QTRT2: variants seen among roughly 807,000 people sequenced by gnomAD.
The protein encoded by QTRT2 is queuine tRNA-ribosyltransferase domain containing 1.
In QTRT2, 32 loss-of-function variants were observed where a neutral mutation model predicts 44.8. The ratio of observed to expected loss-of-function variants is 0.71; its 90% confidence interval spans 0.54 to 0.96. The LOEUF is 0.96. QTRT2 is among the 40% of genes least tolerant of loss of function. QTRT2 has a pLI of 0.00. For missense variants in QTRT2, 461 were observed against 503.1 expected (o/e 0.92, Z 0.80); for synonymous variants, 182 against 187.4 (o/e 0.97, Z 0.24).
Position 114,061,919 on chromosome 3 carries a change from G to C in QTRT2, c.-21-3318G>C, listed in dbSNP as rs994650023. Among the ~76,000 whole-genome samples the C allele has an allele frequency of 1.2e-4, 18 of 151,396 alleles. 1 individual carries two copies. The East Asian group carries it at 3.3e-3, about 28-fold the overall frequency. ...TATGACTTTCCACAGTGTGTTCTAG[G>C]GGAAAAAAACAAAAAGATGTTTCAT... On this transcript the variant is annotated intron_variant, in intron 2 of 9. Transcript: ENST00000281273.
intron 6 of QTRT2, 43 bp from the exon 7 acceptor site, chr3:114,076,700 C>T (rs750461860): frequency 3.2e-6 from 5 of 1,580,570 alleles, no homozygotes; most frequent in South Asian, 1.1e-5. Context: ...ACAAAGGTCT[C>T]ATACTGAAAA....
chr3:114,058,766 G>C (rs1346207452), intron 2 of QTRT2, among the ~76,000 whole-genome samples: 2 of 152,248 alleles, frequency 1.3e-5, no homozygotes, highest in African/African-American at 2.4e-5. Context: ...CCTGACCTTA[G>C]GTGTTCCTCC....
chr3:114,062,265 AG>A (rs2076897380), intron 2 of QTRT2, among the ~76,000 whole-genome samples: 1 of 146,608 alleles, frequency 6.8e-6, no homozygotes, highest in Admixed American at 6.9e-5. Context: ...GCTACTTAGG[AG>A]GCTGAGGTGG....
At chr3:114,083,846 T>C (rs1205800861) in intron 9 of QTRT2, among the ~76,000 whole-genome samples, 2 of 152,216 alleles carry the variant, frequency 1.3e-5, no homozygotes, top group Non-Finnish European at 2.9e-5. Context: ...CCCTTTTTTT[T>C]CTGTCATCCA....
At chr3:114,057,948 A>T (rs530752111) in intron 2 of QTRT2, among the ~76,000 whole-genome samples, 1 of 152,340 alleles carries the variant, frequency 6.6e-6, no homozygotes, top group African/African-American at 2.4e-5. Flanking sequence ...TGTGTACCAG[A>T]TGGAACTTCT....
Position 114,070,506 on chromosome 3 carries a change from A to T in QTRT2, c.334-120A>T, listed in dbSNP as rs1209747694. ...AGATCCTATTACCCACCATGTCTGG[A>T]TATTGAATTGTCACCATCTCTGCAG... is the stretch of plus-strand genomic sequence containing the variant. On this transcript the variant is annotated intron_variant, in intron 5 of 9. Coordinates refer to ENST00000281273, the MANE Select transcript of QTRT2 (RefSeq NM_024638.4). 1.2e-5 allele frequency: 10 copies of T among 807,114 alleles called. No individual in the cohort carries two copies. In the African/African-American group the frequency reaches 1.7e-4, roughly 14 times the overall value. 50.0% of individuals were successfully genotyped at this position (807,114 alleles called of 1,614,324 possible). A position where few individuals can be genotyped will look rare whatever the true frequency, so the allele number is the denominator to read the frequency against.
chr3:114,070,351 G>A (rs2077008195), intron 5 of QTRT2, among the ~76,000 whole-genome samples: 2 of 152,218 alleles, frequency 1.3e-5, no homozygotes, highest in Admixed American at 1.3e-4. Context: ...GGAACAGCAA[G>A]GGTTAGGTAG....
Position 114,074,886 on chromosome 3 carries a change from T to C in QTRT2, c.547-1857T>C, listed in dbSNP as rs181556934. ...AAATGCATATATTGCTATTATCTAC[T>C]GCATTCTTTTTAAACAGCTGCGTAG... On this transcript the variant is annotated intron_variant, in intron 6 of 9. Coordinates refer to ENST00000281273, the MANE Select transcript of QTRT2 (RefSeq NM_024638.4). Among the ~76,000 whole-genome samples the C allele has an allele frequency of 3.3e-5, 5 of 152,378 alleles. No individual in the cohort carries two copies. The East Asian group carries it at 7.7e-4, about 23-fold the overall frequency.
intron 2 of QTRT2, chr3:114,057,433 G>C (rs1046589017): frequency 6.6e-6 from 1 of 152,312 alleles, no homozygotes; most frequent in East Asian, 1.9e-4. Context: ...TGAATCACTG[G>C]AGTGTTGTAA....
chr3:114,071,748 T>C (rs1310856979), intron 6 of QTRT2, among the ~76,000 whole-genome samples: 1 of 152,236 alleles, frequency 6.6e-6, no homozygotes, highest in Non-Finnish European at 1.5e-5. Context: ...CTCTTACGTA[T>C]GTAATTACCT....
At chr3:114,071,712 G>T (rs2077026793) in intron 6 of QTRT2, among the ~76,000 whole-genome samples, 1 of 151,930 alleles carries the variant, frequency 6.6e-6, no homozygotes, top group Non-Finnish European at 1.5e-5. Context: ...CCTCCTTATT[G>T]CCACCTTAAG....
chr3:114,064,209 T>G (rs2076923633), intron 2 of QTRT2, among the ~76,000 whole-genome samples: 1 of 151,936 alleles, frequency 6.6e-6, no homozygotes, highest in Admixed American at 6.6e-5. Context: ...AGCGAGATTC[T>G]GTGTCCAAAA....
At position 114,065,331 on chromosome 3, in the gene QTRT2, A is replaced by G; in HGVS notation, c.74A>G (p.Asp25Gly). ...GKIKNLGKTG[D>G]HTMDIPGCLL... Reference sequence around the variant, plus strand: ...ATAAAAAACCTGGGCAAAACAGGGGACCACACCATGGATATTCCAGGCTGC... The same window carrying G: ...ATAAAAAACCTGGGCAAAACAGGGGGCCACACCATGGATATTCCAGGCTGC... The change falls in exon 3 of 10, where the codon GAC becomes GGC. Residue 25 changes from aspartate (D) to glycine (G), a missense_variant. By Grantham distance (94) the Asp-to-Gly change is moderately conservative. Coordinates refer to ENST00000281273, the MANE Select transcript of QTRT2 (RefSeq NM_024638.4). 6.2e-7 allele frequency: 1 copy of G among 1,614,138 alleles called. No individual in the cohort carries two copies. Among genetic ancestry groups the G allele is most frequent in the Non-Finnish European group, 8.5e-7 (1 of 1,180,012 alleles).
chr3:114,085,426 T>G (rs1291561521), intron 9 of QTRT2, among the ~76,000 whole-genome samples: 2 of 152,192 alleles, frequency 1.3e-5, no homozygotes, highest in Admixed American at 6.5e-5. Flanking sequence ...CAGGCTGGTC[T>G]TGAACTCCTG....
Position 114,079,636 on chromosome 3 carries a change from A to G in QTRT2, c.747-270A>G. ...ATTATTTGCTCTTGTTTTTAAGATT[A>G]GATAACTAAAACTCAGAGAAGTTAA... On this transcript the variant is annotated intron_variant, in intron 7 of 9. Transcript: ENST00000281273. The G allele has an allele frequency of 1.1e-5, 3 of 276,054 alleles. No homozygotes were observed. The South Asian group carries it at 1.3e-4, about 12-fold the overall frequency. 17.1% of individuals were successfully genotyped at this position (276,054 alleles called of 1,614,324 possible).
At chr3:114,081,891 ACT>A (rs1475692350) in intron 8 of QTRT2, among the ~76,000 whole-genome samples, 3 of 152,164 alleles carry the variant, frequency 2.0e-5, no homozygotes, top group African/African-American at 7.2e-5. Context: ...TGGGACCAAC[ACT>A]GAGATTTGTT....
intron 2 of QTRT2, among the ~76,000 whole-genome samples, chr3:114,062,663 C>T (rs548151447): frequency 6.6e-6 from 1 of 152,258 alleles, no homozygotes; most frequent in African/African-American, 2.4e-5. Context: ...ATTCAGTTAA[C>T]ACAACATGGA....
intron 8 of QTRT2, among the ~76,000 whole-genome samples, 197 bp downstream of exon 8, chr3:114,080,254 A>G (rs1043060759): frequency 6.6e-6 from 1 of 152,202 alleles, no homozygotes; most frequent in East Asian, 1.9e-4. Context: ...GCTCATCAAT[A>G]TTAGGATGTG....
In QTRT2 at chr3:114,087,256, C is replaced by G. The variant is rs1044073680; in HGVS notation, c.*1352C>G. 1 of 152,162 alleles carries G rather than the reference C, an allele frequency of 6.6e-6. No homozygotes were observed. Among genetic ancestry groups the G allele is most frequent in the Admixed American group, 6.5e-5 (1 of 15,270 alleles). The allele number at this position is 152,162 out of a possible 1,614,324, so 9.4% of individuals were successfully genotyped here. A position where few individuals can be genotyped will look rare whatever the true frequency, so the allele number is the denominator to read the frequency against. On this transcript the variant is annotated 3_prime_UTR_variant, in exon 10 of 10. Transcript: ENST00000281273. ...GCTATTCAAAATTTAGTGGGCATTA[C>G]TTAACATTGTTTCTAATTATTTTGT...
Sources: allele counts gnomAD v4.1 joint callset (sites outside exome capture counted in the v4.1 genomes callset), GRCh38; gene constraint gnomAD v4.1.1; transcripts MANE v1.5; gene names NCBI Gene and HGNC (gene_info 2026-07-23, HGNC 2026-07-21).